GRIA4: variants seen among roughly 807,000 people sequenced by gnomAD.
GRIA4 encodes the protein glutamate receptor 4.
In GRIA4, 34 loss-of-function variants were observed where a neutral mutation model predicts 104.0. The observed-to-expected ratio is 0.33, with a 90% CI of 0.25 to 0.44. The LOEUF is 0.44. Among genes scored for constraint, GRIA4 ranks in the 20% least tolerant of loss-of-function variants. The probability of loss-of-function intolerance (pLI) is 1.00; values close to 1 mark genes in which losing one functional copy is unlikely to be tolerated. For synonymous variants in GRIA4, 386 were observed against 381.9 expected, an observed-to-expected ratio of 1.01 and a Z score of -0.13; for missense variants, 750 against 1,096.5, an observed-to-expected ratio of 0.68 and a Z score of 4.46.
chr11:105,863,040 A>G (rs1945283593), intron 5 of GRIA4, among the ~76,000 whole-genome samples: 1 of 152,210 alleles, frequency 6.6e-6, no homozygotes, highest in Admixed American at 6.5e-5. Context: ...CATGGGTAAT[A>G]TAATTTTTTG....
intron 3 of GRIA4, among the ~76,000 whole-genome samples, chr11:105,719,600 T>G (rs1032341952): frequency 6.6e-6 from 1 of 152,136 alleles, no homozygotes; most frequent in African/African-American, 2.4e-5. Context: ...TAAATAAACA[T>G]GTATGCTCAG....
At chr11:105,706,292 T>A (rs1324462217) in intron 3 of GRIA4, 2 of 152,394 alleles carry the variant, frequency 1.3e-5, no homozygotes, top group Admixed American at 1.3e-4. Context: ...GCTGCTGCTT[T>A]GCAGAAATGC....
intron 3 of GRIA4, among the ~76,000 whole-genome samples, chr11:105,686,402 C>T (rs965145653): frequency 3.9e-5 from 6 of 152,138 alleles, no homozygotes; most frequent in African/African-American, 1.4e-4. Flanking sequence ...AAAGACATTA[C>T]TTCATGCTTT....
intron 10 of GRIA4, chr11:105,913,159 C>A: frequency 2.2e-6 from 1 of 461,232 alleles, no homozygotes; most frequent in Non-Finnish European, 2.8e-6. Context: ...AGGCACAGTT[C>A]TAGGCCCTGG....
intron 3 of GRIA4, among the ~76,000 whole-genome samples, chr11:105,659,710 C>G (rs1313707292): frequency 6.6e-6 from 1 of 151,830 alleles, no homozygotes; most frequent in Non-Finnish European, 1.5e-5. Context: ...TCTATTTCCA[C>G]TGAGTTCTAG....
At chr11:105,688,103 C>CATATCTATATCT (rs749922258) in intron 3 of GRIA4, among the ~76,000 whole-genome samples, 34 of 129,640 alleles carry the variant, frequency 2.6e-4, no homozygotes, top group South Asian at 5.1e-4. Context: ...CTCTCTGTCT[C>CATATCTATATCT]ATATCTATAT....
chr11:105,909,826 T>C (rs188010205), intron 9 of GRIA4, among the ~76,000 whole-genome samples: 1 of 152,170 alleles, frequency 6.6e-6, no homozygotes, highest in Non-Finnish European at 1.5e-5. Context: ...AAATTTTAAA[T>C]GAAAAACATA....
intron 4 of GRIA4, among the ~76,000 whole-genome samples, chr11:105,839,911 T>C (rs1944334112): frequency 6.6e-6 from 1 of 152,094 alleles, no homozygotes. Context: ...TATTATTCTA[T>C]TAATTTTGTT....
intron 4 of GRIA4, among the ~76,000 whole-genome samples, chr11:105,807,093 A>T (rs1435144897): frequency 6.6e-6 from 1 of 151,748 alleles, no homozygotes; most frequent in Non-Finnish European, 1.5e-5. Context: ...AATTGAACAG[A>T]GCCATGGATG....
At chr11:105,698,208 C>A (rs1953354825) in intron 3 of GRIA4, among the ~76,000 whole-genome samples, 1 of 152,054 alleles carries the variant, frequency 6.6e-6, no homozygotes, top group Non-Finnish European at 1.5e-5. Flanking sequence ...AGAACCATAA[C>A]ATATATATTA....
chr11:105,630,098 T>C lies in GRIA4; in HGVS notation c.247+17664T>C, dbSNP rs570092803. Among the ~76,000 whole-genome samples, 13 of 152,276 alleles carry C rather than the reference T, an allele frequency of 8.5e-5. No individual in the cohort carries two copies. The East Asian group carries it at 2.3e-3, about 27-fold the overall frequency. On this transcript the variant is annotated intron_variant, in intron 3 of 16. Transcript: ENST00000282499. The stretch of plus-strand genomic sequence containing the variant: ...GGTAGTTTTTTCTGACCACCCCAGA[T>C]TGATTTAGGCTCCACTTTGCTATGA...
intron 5 of GRIA4, among the ~76,000 whole-genome samples, chr11:105,869,558 C>T (rs1475713425): frequency 3.9e-5 from 6 of 152,056 alleles, no homozygotes; most frequent in Non-Finnish European, 8.8e-5. Flanking sequence ...TTTGCATCTA[C>T]TCCTCAAATG....
At chr11:105,853,013 G>A in intron 4 of GRIA4, among the ~76,000 whole-genome samples, 1 of 127,386 alleles carries the variant, frequency 7.9e-6, no homozygotes, top group East Asian at 2.3e-4. Flanking sequence ...TACTTAATAT[G>A]TTGTGTAACA....
intron 3 of GRIA4, among the ~76,000 whole-genome samples, chr11:105,690,700 C>T (rs1203029166): frequency 6.6e-6 from 1 of 152,146 alleles, no homozygotes; most frequent in Admixed American, 6.5e-5. Context: ...TGTGCATGCT[C>T]TCAGAACTTT....
At chr11:105,803,295 GT>G (rs1441373484) in intron 4 of GRIA4, among the ~76,000 whole-genome samples, 2 of 151,932 alleles carry the variant, frequency 1.3e-5, no homozygotes, top group African/African-American at 2.4e-5. Context: ...TTAGTTCCAT[GT>G]TAGAGAGAAG....
At chr11:105,890,927 G>A (rs1262118297) in intron 6 of GRIA4, among the ~76,000 whole-genome samples, 2 of 152,202 alleles carry the variant, frequency 1.3e-5, no homozygotes, top group Admixed American at 6.5e-5. Context: ...GTAGGTGCAT[G>A]TATGTTTTAT....
At chr11:105,771,172 C>G (rs1941192468) in intron 4 of GRIA4, among the ~76,000 whole-genome samples, 1 of 152,022 alleles carries the variant, frequency 6.6e-6, no homozygotes, top group Admixed American at 6.6e-5. Context: ...CTCTACAAAG[C>G]TTTTTCTGCA....
chr11:105,676,089 T>C (rs1952526895), intron 3 of GRIA4, among the ~76,000 whole-genome samples: 1 of 151,812 alleles, frequency 6.6e-6, no homozygotes, highest in South Asian at 2.1e-4. Context: ...GATATGCTAA[T>C]AAATAAAATA....
chr11:105,634,917 T>C (rs761918144), intron 3 of GRIA4, among the ~76,000 whole-genome samples: 5 of 152,232 alleles, frequency 3.3e-5, no homozygotes, highest in Non-Finnish European at 5.9e-5. Context: ...CAATATTTTA[T>C]GAAATGATTT....
Sources: gnomAD v4.1 joint callset for allele counts (sites outside exome capture counted in the v4.1 genomes callset) on GRCh38, gnomAD v4.1.1 for gene constraint, MANE v1.5 for transcripts, NCBI Gene and HGNC (gene_info 2026-07-23, HGNC 2026-07-21) for gene names.